Variants in CDC42SE2 observed in about 807,000 individuals in gnomAD.
CDC42SE2 encodes the protein CDC42 small effector 2.
CDC42SE2 carries 3 observed loss-of-function variants against 11.5 expected under a neutral mutation model. The observed-to-expected ratio is 0.26, with a 90% CI of 0.12 to 0.67. CDC42SE2 has a LOEUF of 0.67. CDC42SE2 is among the 30% of genes least tolerant of loss of function. CDC42SE2 has a pLI of 0.80. For missense variants in CDC42SE2, 82 were observed against 106.8 expected (o/e 0.77, Z 1.02); for synonymous variants, 33 against 34.8 (o/e 0.95, Z 0.18).
chr5:131,365,194 G>A (rs539417006), intron 3 of CDC42SE2, among the ~76,000 whole-genome samples: 1 of 152,228 alleles, frequency 6.6e-6, no homozygotes, highest in East Asian at 1.9e-4. Context: ...GGAGGCTGAG[G>A]CAGGAGAATT....
intron 1 of CDC42SE2, among the ~76,000 whole-genome samples, chr5:131,282,200 C>G (rs1483973136): frequency 2.0e-5 from 3 of 152,090 alleles, no homozygotes; most frequent in African/African-American, 7.2e-5. Flanking sequence ...TTATTGCTGA[C>G]CAAAATTGTA....
intron 1 of CDC42SE2, among the ~76,000 whole-genome samples, chr5:131,296,023 A>C (rs2149712748): frequency 6.6e-6 from 1 of 152,258 alleles, no homozygotes; most frequent in South Asian, 2.1e-4. Context: ...ATGGGTATGT[A>C]CTATCTGGTC....
chr5:131,289,844 T>C (rs1757415227), intron 1 of CDC42SE2, among the ~76,000 whole-genome samples: 1 of 152,106 alleles, frequency 6.6e-6, no homozygotes, highest in African/African-American at 2.4e-5. Context: ...ATGACTTTTT[T>C]TTTTTCCTTC....
At chr5:131,384,688 A>C (rs1322823160) in intron 3 of CDC42SE2, among the ~76,000 whole-genome samples, 1 of 151,982 alleles carries the variant, frequency 6.6e-6, no homozygotes, top group Non-Finnish European at 1.5e-5. Flanking sequence ...AAATATCTCT[A>C]AGGGGTAGAT....
intron 1 of CDC42SE2, among the ~76,000 whole-genome samples, chr5:131,250,020 A>G (rs1212947630): frequency 1.3e-5 from 2 of 152,244 alleles, no homozygotes; most frequent in African/African-American, 4.8e-5. Flanking sequence ...CATAATGGGT[A>G]CTAAACAACA....
chr5:131,248,487 T>C (rs2149682574), intron 1 of CDC42SE2, among the ~76,000 whole-genome samples: 1 of 152,310 alleles, frequency 6.6e-6, no homozygotes, highest in East Asian at 1.9e-4. Flanking sequence ...CCTGTCATTT[T>C]TTCTGTTTAA....
intron 2 of CDC42SE2, among the ~76,000 whole-genome samples, chr5:131,331,459 T>G (rs905261597): frequency 1.3e-5 from 2 of 152,196 alleles, no homozygotes; most frequent in African/African-American, 4.8e-5. Context: ...TAAATTACTG[T>G]GTCTGAGCTG....
chr5:131,240,529 G>T (rs921257415), upstream of CDC42SE2, among the ~76,000 whole-genome samples: 1 of 152,160 alleles, frequency 6.6e-6, no homozygotes, highest in African/African-American at 2.4e-5. Context: ...ACACAAACGC[G>T]TCGGGGTATA....
At chr5:131,341,641 A>G (rs960889554) in intron 2 of CDC42SE2, among the ~76,000 whole-genome samples, 2 of 152,168 alleles carry the variant, frequency 1.3e-5, no homozygotes, top group Non-Finnish European at 2.9e-5. Context: ...CCAAAAGAAT[A>G]TTTGAATCAG....
chr5:131,252,825 C>T (rs576906969), intron 1 of CDC42SE2, among the ~76,000 whole-genome samples: 3 of 152,214 alleles, frequency 2.0e-5, no homozygotes, highest in Admixed American at 6.5e-5. Context: ...TATTCTTCTA[C>T]GCACAGAGAA....
intron 3 of CDC42SE2, among the ~76,000 whole-genome samples, chr5:131,368,126 G>A (rs1233124532): frequency 1.3e-5 from 2 of 151,878 alleles, no homozygotes; most frequent in Admixed American, 6.6e-5. Flanking sequence ...GGTGGCGGAC[G>A]CCTGTGGTCC....
chr5:131,368,717 A>G (rs761697422), intron 3 of CDC42SE2, among the ~76,000 whole-genome samples: 6 of 152,174 alleles, frequency 3.9e-5, no homozygotes, highest in Admixed American at 1.3e-4. Flanking sequence ...CTCAGCTTCA[A>G]CAACTTTAAT....
chr5:131,246,455 A>C (rs1010368774), intron 1 of CDC42SE2, among the ~76,000 whole-genome samples: 7 of 152,044 alleles, frequency 4.6e-5, no homozygotes, highest in African/African-American at 7.2e-5. Flanking sequence ...GCTCTGTCCC[A>C]AAAAAATAAA....
chr5:131,300,961 A>G (rs1175550054), intron 1 of CDC42SE2, among the ~76,000 whole-genome samples: 2 of 152,246 alleles, frequency 1.3e-5, no homozygotes, highest in East Asian at 3.9e-4. Context: ...ATCTTACTAC[A>G]TTCTTACAAT....
At chr5:131,210,081 C>T in the CDC42SE2 span, among the ~76,000 whole-genome samples, 2 of 152,150 alleles carry the variant, frequency 1.3e-5, no homozygotes, top group Admixed American at 6.5e-5. Context: ...TGTGATAAGC[C>T]GGCTCCCTCT....
chr5:131,216,115 G>T, the CDC42SE2 span, among the ~76,000 whole-genome samples: 1 of 152,162 alleles, frequency 6.6e-6, no homozygotes, highest in Non-Finnish European at 1.5e-5. Flanking sequence ...AAACCACTTG[G>T]TAGTTTTTCC....
intron 3 of CDC42SE2, among the ~76,000 whole-genome samples, chr5:131,379,427 G>T (rs1039101495): frequency 6.6e-6 from 1 of 152,174 alleles, no homozygotes; most frequent in Non-Finnish European, 1.5e-5. Context: ...CTGTTTTCTA[G>T]AAGCTACAGT....
chr5:131,283,263 C>T (rs1397372368), intron 1 of CDC42SE2, among the ~76,000 whole-genome samples: 3 of 151,998 alleles, frequency 2.0e-5, no homozygotes, highest in Non-Finnish European at 4.4e-5. Context: ...TGTTGTACAA[C>T]CGTTGCTACT....
intron 3 of CDC42SE2, among the ~76,000 whole-genome samples, chr5:131,373,822 C>A (rs774392322): frequency 6.6e-6 from 1 of 151,820 alleles, no homozygotes; most frequent in African/African-American, 2.4e-5. Context: ...AGGAACAAAT[C>A]GATAACAAGA....
Sources: gnomAD v4.1 joint callset for allele counts (sites outside exome capture counted in the v4.1 genomes callset) on GRCh38, gnomAD v4.1.1 for gene constraint, MANE v1.5 for transcripts, NCBI Gene and HGNC (gene_info 2026-07-23, HGNC 2026-07-21) for gene names.